The following WIPF2 variants were observed in gnomAD, a reference collection of about 807,000 sequenced individuals.
The protein encoded by WIPF2 is WAS/WASL-interacting protein family member 2.
A neutral mutation model predicts 38.8 loss-of-function variants in WIPF2; 23 were observed. The ratio of observed to expected loss-of-function variants is 0.59; its 90% confidence interval spans 0.43 to 0.84. The LOEUF is 0.84. Ranked by LOEUF, WIPF2 falls within the 40% of genes least tolerant of loss-of-function variation. The probability of loss-of-function intolerance (pLI) is 0.00; values close to 1 mark genes in which losing one functional copy is unlikely to be tolerated. For missense variants in WIPF2, 574 were observed against 580.5 expected (o/e 0.99, Z 0.11); for synonymous variants, 210 against 223.2 (o/e 0.94, Z 0.53).
rs1224289115 is a variant in WIPF2 at position 40,278,764 on chromosome 17, T to A, written c.*539T>A. ...TGGAGAAAGGGCAAGGAATTGGGTC[T>A]GCTTTATTTTTGGGGGTATTTTGTT... On this transcript the variant is annotated 3_prime_UTR_variant, in exon 8 of 8. Coordinates refer to ENST00000323571, the MANE Select transcript of WIPF2 (RefSeq NM_133264.5). The A allele has an allele frequency of 6.6e-6, 1 of 152,464 alleles. No homozygotes were observed. The highest frequency in any genetic ancestry group is 1.5e-5 in the Non-Finnish European group (1 of 68,240). 9.4% of individuals were successfully genotyped at this position (152,464 alleles called of 1,614,324 possible).
chr17:40,281,006 A>C lies in WIPF2; in HGVS notation c.*2781A>C, dbSNP rs2032534837. The C allele has an allele frequency of 6.6e-6, 1 of 152,664 alleles. No homozygotes were observed. The highest frequency in any genetic ancestry group is 2.1e-4 in the South Asian group (1 of 4,834). The allele number at this position is 152,664 out of a possible 1,614,324, so 9.5% of individuals were successfully genotyped here. On this transcript the variant is annotated 3_prime_UTR_variant, in exon 8 of 8. Coordinates refer to ENST00000323571, the MANE Select transcript of WIPF2 (RefSeq NM_133264.5). ...TGGGAATGTGATCTGCATAGTTATC[A>C]GTCTATTTTGTATGTTGTAAAAAGC...
chr17:40,233,011 C>G (rs1431176116), intron 1 of WIPF2, among the ~76,000 whole-genome samples: 1 of 152,094 alleles, frequency 6.6e-6, no homozygotes, highest in Non-Finnish European at 1.5e-5. Context: ...GGAAGTTGCT[C>G]TCATATTTGC....
At chr17:40,225,381 G>GA (rs907404222) in intron 1 of WIPF2, among the ~76,000 whole-genome samples, 1 of 151,580 alleles carries the variant, frequency 6.6e-6, no homozygotes, top group Admixed American at 6.6e-5. Flanking sequence ...ATGTTAATAG[G>GA]AAAAAAAGGT....
chr17:40,260,561 T>C lies in WIPF2; in HGVS notation c.90T>C (p.Ser30=), dbSNP rs749420845. 5.6e-6 allele frequency: 9 copies of C among 1,613,512 alleles called. No homozygotes were observed. In the Middle Eastern group the frequency reaches 6.6e-4, roughly 118 times the overall value. The change falls in exon 3 of 8, where the codon AGT becomes AGC. Residue 30 remains serine, a synonymous_variant. Transcript: ENST00000323571. ...HQANTEQPKL[S]RDEQRGRGAL... The stretch of plus-strand genomic sequence containing the variant: ...CAAACACAGAGCAGCCCAAGCTGAG[T>C]AGAGATGAGCAGCGGGGTCGAGGCG...
chr17:40,235,071 AC>A (rs1197370245), intron 1 of WIPF2, among the ~76,000 whole-genome samples: 2 of 152,060 alleles, frequency 1.3e-5, no homozygotes, highest in Admixed American at 1.3e-4. Flanking sequence ...GGCGTCCGCC[AC>A]CACGCCCAGC....
chr17:40,237,714 C>T (rs8074251), intron 1 of WIPF2, among the ~76,000 whole-genome samples: 13,651 of 149,428 alleles, frequency 0.091, 2,133 homozygotes, highest in African/African-American at 0.32. Flanking sequence ...GGCGTGATCT[C>T]GGCTCACTGC....
At chr17:40,274,116 A>AC (rs1428375372) in intron 6 of WIPF2, 117 bp downstream of exon 6, 41 of 802,220 alleles carry the variant, frequency 5.1e-5, no homozygotes, top group Non-Finnish European at 7.8e-5. Context: ...TCCTTTGTTC[A>AC]CAATAGTTCT....
At chr17:40,250,914 CT>C (rs1020649049) in intron 1 of WIPF2, among the ~76,000 whole-genome samples, 570 of 90,326 alleles carry the variant, frequency 6.3e-3, no homozygotes, top group African/African-American at 0.012. Context: ...CTATTAGATT[CT>C]TTTTTTTTTT....
intron 3 of WIPF2, among the ~76,000 whole-genome samples, chr17:40,262,321 GAT>G (rs1313312485): frequency 1.3e-5 from 2 of 151,862 alleles, no homozygotes; most frequent in Admixed American, 6.6e-5. Context: ...GAGCTTAAGT[GAT>G]CCTCCCATCT....
At chr17:40,253,141 C>G (rs750949273) in intron 1 of WIPF2, among the ~76,000 whole-genome samples, 81 of 150,484 alleles carry the variant, frequency 5.4e-4, no homozygotes, top group Middle Eastern at 3.2e-3. Flanking sequence ...CGGCTTACTG[C>G]AAGCTCCGTC....
At chr17:40,238,623 A>G (rs1048319023) in intron 1 of WIPF2, among the ~76,000 whole-genome samples, 2 of 150,558 alleles carry the variant, frequency 1.3e-5, no homozygotes, top group African/African-American at 4.9e-5. Flanking sequence ...ATTTATTATT[A>G]TTTTTTTGAG....
chr17:40,276,595 C>G (rs1400739171), intron 6 of WIPF2, among the ~76,000 whole-genome samples: 1 of 148,108 alleles, frequency 6.8e-6, no homozygotes, highest in African/African-American at 2.5e-5. Flanking sequence ...CTTTCCTGTT[C>G]TGTGCCTGAC....
chr17:40,228,635 C>CTTTT (rs920194370), intron 1 of WIPF2, among the ~76,000 whole-genome samples: 1 of 144,850 alleles, frequency 6.9e-6, no homozygotes, highest in East Asian at 2.0e-4. Context: ...TTTTCTTGGT[C>CTTTT]TTTTTTTTTT....
At chr17:40,238,666 G>T (rs907320385) in intron 1 of WIPF2, among the ~76,000 whole-genome samples, 2 of 151,718 alleles carry the variant, frequency 1.3e-5, no homozygotes, top group East Asian at 1.9e-4. Context: ...AGGCTGGAGT[G>T]CAGTGGCACA....
In WIPF2 at chr17:40,269,232, A is replaced by T. The variant is rs570227447; in HGVS notation, c.970+4086A>T. 3.9e-5 allele frequency among the ~76,000 whole-genome samples: 6 copies of T among 152,264 alleles called. No homozygotes were observed. In the South Asian group the frequency reaches 1.2e-3, roughly 32 times the overall value. On this transcript the variant is annotated intron_variant, in intron 5 of 7. Transcript: ENST00000323571. ...CTACTCGAGAGGCTGAGACGGGAGA[A>T]TCGCTTGAACCCGGGAGATTGTGGT...
intron 7 of WIPF2, among the ~76,000 whole-genome samples, chr17:40,277,834 C>T (rs2032453768): frequency 6.7e-6 from 1 of 148,860 alleles, no homozygotes; most frequent in Non-Finnish European, 1.5e-5. Context: ...TCAAGTGATT[C>T]TCCTGCTTAA....
At chr17:40,269,517 C>T (rs944645482) in intron 5 of WIPF2, among the ~76,000 whole-genome samples, 9 of 151,008 alleles carry the variant, frequency 6.0e-5, no homozygotes, top group South Asian at 2.1e-4. Flanking sequence ...CCTCAAAACC[C>T]GCCCCCCCAA....
intron 1 of WIPF2, among the ~76,000 whole-genome samples, chr17:40,242,240 T>A (rs1487839712): frequency 6.6e-6 from 1 of 152,022 alleles, no homozygotes; most frequent in Non-Finnish European, 1.5e-5. Context: ...ATTAGCTGGA[T>A]GTGGTAGTCC....
chr17:40,274,976 A>G (rs2032353737), intron 6 of WIPF2, among the ~76,000 whole-genome samples: 1 of 150,024 alleles, frequency 6.7e-6, no homozygotes, highest in Non-Finnish European at 1.5e-5. Flanking sequence ...GCAGTGGCTC[A>G]CGCCTGTAAT....
Sources: gnomAD v4.1 joint callset for allele counts (sites outside exome capture counted in the v4.1 genomes callset) on GRCh38, gnomAD v4.1.1 for gene constraint, MANE v1.5 for transcripts, NCBI Gene and HGNC (gene_info 2026-07-23, HGNC 2026-07-21) for gene names.